GRIK2: variants seen among roughly 807,000 people sequenced by gnomAD.
GRIK2 encodes glutamate receptor ionotropic, kainate 2.
GRIK2 carries 32 observed loss-of-function variants against 100.3 expected under a neutral mutation model. The observed-to-expected ratio is 0.32, with a 90% CI of 0.24 to 0.43. The LOEUF (loss-of-function observed/expected upper bound fraction) is 0.43, where lower values mean the gene tolerates loss of function less well. Ranked by LOEUF, GRIK2 falls within the 20% of genes least tolerant of loss-of-function variation. The probability of loss-of-function intolerance (pLI) is 1.00; values close to 1 mark genes in which losing one functional copy is unlikely to be tolerated. For missense variants in GRIK2, 843 were observed against 1,114.9 expected (o/e 0.76, Z 3.47); for synonymous variants, 417 against 389.4 (o/e 1.07, Z -0.83).
intron 5 of GRIK2, among the ~76,000 whole-genome samples, chr6:101,681,544 C>A (rs928395078): frequency 1.3e-5 from 2 of 151,286 alleles, no homozygotes; most frequent in African/African-American, 4.9e-5. Context: ...CAGCATTTAT[C>A]CTTTATGTTA....
intron 7 of GRIK2, among the ~76,000 whole-genome samples, chr6:101,697,001 G>A (rs1772537941): frequency 6.6e-6 from 1 of 152,018 alleles, no homozygotes; most frequent in Admixed American, 6.6e-5. Context: ...CATACATAGA[G>A]GTCACAAGCC....
chr6:101,863,084 T>A (rs902875540), intron 11 of GRIK2, among the ~76,000 whole-genome samples: 2 of 152,152 alleles, frequency 1.3e-5, no homozygotes, highest in South Asian at 4.2e-4. Flanking sequence ...AAATCTCAGA[T>A]CTGTCCCATC....
At chr6:101,508,219 A>G (rs1163251700) in intron 2 of GRIK2, among the ~76,000 whole-genome samples, 1 of 152,146 alleles carries the variant, frequency 6.6e-6, no homozygotes, top group Non-Finnish European at 1.5e-5. Context: ...AGAAAAATAA[A>G]TATAACAAAT....
chr6:101,985,761 G>A (rs1399507961), intron 14 of GRIK2, among the ~76,000 whole-genome samples: 2 of 151,694 alleles, frequency 1.3e-5, no homozygotes, highest in Non-Finnish European at 2.9e-5. Flanking sequence ...TGTAGTAGAA[G>A]GGTGTGGAAA....
intron 14 of GRIK2, among the ~76,000 whole-genome samples, chr6:101,978,593 A>C (rs2128488492): frequency 6.6e-6 from 1 of 152,032 alleles, no homozygotes; most frequent in Middle Eastern, 3.4e-3. Context: ...GCAGTTTCTG[A>C]CAGAAAGAAG....
chr6:101,459,483 A>T (rs1285583676), intron 2 of GRIK2, among the ~76,000 whole-genome samples: 1 of 152,200 alleles, frequency 6.6e-6, no homozygotes, highest in African/African-American at 2.4e-5. Context: ...GTATAGTTCT[A>T]GTCATAGACA....
intron 2 of GRIK2, among the ~76,000 whole-genome samples, chr6:101,595,451 C>G (rs1305148809): frequency 6.6e-6 from 1 of 151,484 alleles, no homozygotes; most frequent in African/African-American, 2.4e-5. Flanking sequence ...GATAGCTGGT[C>G]AAGTTTGGCC....
chr6:101,863,603 G>A (rs1784867853), intron 11 of GRIK2, among the ~76,000 whole-genome samples: 1 of 152,154 alleles, frequency 6.6e-6, no homozygotes, highest in African/African-American at 2.4e-5. Flanking sequence ...CCTTAAGCCA[G>A]TGTTCTGCTG....
intron 10 of GRIK2, among the ~76,000 whole-genome samples, chr6:101,851,094 T>C (rs778841487): frequency 2.6e-5 from 4 of 152,054 alleles, no homozygotes; most frequent in Admixed American, 1.3e-4. Flanking sequence ...ATTGTGGAGA[T>C]CCATAAATAC....
intron 2 of GRIK2, among the ~76,000 whole-genome samples, chr6:101,425,734 C>T (rs1445231618): frequency 6.6e-6 from 1 of 152,120 alleles, no homozygotes; most frequent in African/African-American, 2.4e-5. Context: ...TTTTCCTAGA[C>T]CTTTAAAATC....
At chr6:102,027,173 A>T (rs890015412) in intron 14 of GRIK2, among the ~76,000 whole-genome samples, 1 of 151,328 alleles carries the variant, frequency 6.6e-6, no homozygotes, top group African/African-American at 2.4e-5. Context: ...TTAAGTTAGC[A>T]TTATAAACAA....
intron 3 of GRIK2, among the ~76,000 whole-genome samples, 184 bp downstream of exon 3, chr6:101,622,300 A>C (rs2128317044): frequency 6.6e-6 from 1 of 152,280 alleles, no homozygotes; most frequent in South Asian, 2.1e-4. Flanking sequence ...TCTTGCAAAA[A>C]ATCTGCTTAT....
intron 2 of GRIK2, among the ~76,000 whole-genome samples, chr6:101,611,192 A>G (rs1779661318): frequency 1.3e-5 from 2 of 151,884 alleles, no homozygotes; most frequent in African/African-American, 4.8e-5. Context: ...TTTTTAAAAT[A>G]AGAAAGCACA....
At chr6:102,036,442 A>T (rs997371591) in intron 15 of GRIK2, among the ~76,000 whole-genome samples, 2 of 151,396 alleles carry the variant, frequency 1.3e-5, no homozygotes, top group African/African-American at 4.8e-5. Context: ...GATGCGATTA[A>T]GTTAAGGATC....
intron 14 of GRIK2, among the ~76,000 whole-genome samples, chr6:101,975,485 GTGA>G: frequency 6.6e-6 from 1 of 151,982 alleles, no homozygotes; most frequent in East Asian, 1.9e-4. Flanking sequence ...GAAAAGTGTT[GTGA>G]TCAAGAATGT....
At chr6:102,029,455 C>T (rs1325511730) in intron 14 of GRIK2, among the ~76,000 whole-genome samples, 1 of 151,296 alleles carries the variant, frequency 6.6e-6, no homozygotes, top group African/African-American at 2.4e-5. Context: ...ATTTTTACCT[C>T]ATCACTGATC....
chr6:101,722,498 T>C (rs1032774706), intron 7 of GRIK2, among the ~76,000 whole-genome samples: 6 of 152,070 alleles, frequency 3.9e-5, no homozygotes, highest in African/African-American at 1.4e-4. Context: ...TTTGTATAAA[T>C]ACGGTAAATA....
At chr6:101,672,540 C>T (rs1562299737) in intron 4 of GRIK2, among the ~76,000 whole-genome samples, 1 of 151,994 alleles carries the variant, frequency 6.6e-6, no homozygotes. Flanking sequence ...CTACTATCTT[C>T]TAACGATTTG....
intron 7 of GRIK2, among the ~76,000 whole-genome samples, chr6:101,739,572 A>G (rs888934232): frequency 6.6e-6 from 1 of 152,142 alleles, no homozygotes; most frequent in Admixed American, 6.5e-5. Flanking sequence ...TTCTTAATTT[A>G]TTTCATTGTT....
Sources: allele counts gnomAD v4.1 joint callset (sites outside exome capture counted in the v4.1 genomes callset), GRCh38; gene constraint gnomAD v4.1.1; transcripts MANE v1.5; gene names NCBI Gene and HGNC (gene_info 2026-07-23, HGNC 2026-07-21).